The following APP variants were observed in gnomAD, a reference collection of about 807,000 sequenced individuals.
The protein encoded by APP is amyloid-beta precursor protein.
Under a neutral mutation model 101.4 loss-of-function variants are expected in APP, and 31 were observed. The ratio of observed to expected loss-of-function variants is 0.31; its 90% CI spans 0.23 to 0.41. The LOEUF is 0.41. Ranked by LOEUF, APP falls within the 10% of genes least tolerant of loss-of-function variation. APP has a pLI of 1.00. For missense variants in APP, 839 were observed against 1,003.7 expected, an observed-to-expected ratio of 0.84 and a Z score of 2.22; for synonymous variants, 366 against 364.4, an observed-to-expected ratio of 1.00 and a Z score of -0.05.
At chr21:25,886,183 TAAAAG>T (rs2037313481) in intron 17 of APP, among the ~76,000 whole-genome samples, 2 of 151,364 alleles carry the variant, frequency 1.3e-5, no homozygotes, top group African/African-American at 4.8e-5. Context: ...AAAAAAAAAA[TAAAAG>T]CAAAGAAAAT....
At chr21:25,928,161 G>A (rs2039981656) in intron 13 of APP, among the ~76,000 whole-genome samples, 1 of 151,076 alleles carries the variant, frequency 6.6e-6, no homozygotes, top group African/African-American at 2.4e-5. Context: ...TGGCTAACGA[G>A]GTGAAATCGC....
intron 3 of APP, among the ~76,000 whole-genome samples, chr21:26,054,391 T>G (rs551500046): frequency 1.3e-5 from 2 of 152,182 alleles, no homozygotes; most frequent in East Asian, 3.9e-4. Context: ...TCCAAATGGA[T>G]GGATGGATGG....
At chr21:26,101,095 C>CTTTTTTTTTT (rs35407047) in intron 2 of APP, among the ~76,000 whole-genome samples, 1 of 79,316 alleles carries the variant, frequency 1.3e-5, no homozygotes, top group African/African-American at 5.0e-5. Context: ...TTTTTTTTTC[C>CTTTTTTTTTT]TTTTTTTTTT....
chr21:25,882,015 C>T (rs2037020704), intron 17 of APP, among the ~76,000 whole-genome samples: 1 of 152,014 alleles, frequency 6.6e-6, no homozygotes, highest in South Asian at 2.1e-4. Context: ...GCAACGTGTC[C>T]AGTGGTTGTT....
chr21:25,899,362 C>T (rs984204374), intron 15 of APP, among the ~76,000 whole-genome samples: 2 of 152,168 alleles, frequency 1.3e-5, no homozygotes, highest in African/African-American at 4.8e-5. Flanking sequence ...ACTTGATTCC[C>T]TTCCTTCGAA....
intron 8 of APP, among the ~76,000 whole-genome samples, chr21:25,991,127 C>T (rs948012144): frequency 6.6e-6 from 1 of 152,080 alleles, no homozygotes; most frequent in African/African-American, 2.4e-5. Context: ...TATGCAAAGG[C>T]ATAGAGTGGC....
chr21:25,987,673 GC>G, intron 8 of APP, among the ~76,000 whole-genome samples: 1 of 152,262 alleles, frequency 6.6e-6, no homozygotes, highest in Non-Finnish European at 1.5e-5. Context: ...GATGACTAAC[GC>G]CTTCTACATA....
intron 3 of APP, among the ~76,000 whole-genome samples, chr21:26,071,934 C>T (rs768300874): frequency 1.3e-5 from 2 of 152,234 alleles, no homozygotes; most frequent in Non-Finnish European, 2.9e-5. Context: ...CCTCCCCACT[C>T]ACGCTATTAC....
Position 25,891,730 on chromosome 21 carries a change from C to T in APP, c.2203G>A (p.Val735Met), listed in dbSNP as rs1281129992. Residue 735 changes from valine to methionine, a missense_variant, in exon 17 of 18, where the codon GTG becomes ATG. Physicochemically the swap from Val to Met is conservative, Grantham distance 21. Coordinates refer to ENST00000346798, the MANE Select transcript of APP (RefSeq NM_000484.4). Reference sequence around the variant, plus strand: ...CAGTCAAGTTTACCTACCTCCACCACACCATGATGAATGGATGTGTACTGT... The same window carrying T: ...CAGTCAAGTTTACCTACCTCCACCATACCATGATGAATGGATGTGTACTGT... ...KKQYTSIHHG[V>M]VEVDAAVTPE... 6.2e-7 allele frequency: 1 copy of T among 1,614,182 alleles called. No homozygotes were observed. The highest frequency in any genetic ancestry group is 8.5e-7 in the Non-Finnish European group (1 of 1,180,010).
intron 2 of APP, among the ~76,000 whole-genome samples, chr21:26,091,628 A>T (rs2061827934): frequency 6.6e-6 from 1 of 152,094 alleles, no homozygotes; most frequent in Non-Finnish European, 1.5e-5. Flanking sequence ...TGAATGGTGA[A>T]CATCGATGAG....
chr21:26,168,250 ATTCAT>A (rs2063660485), intron 1 of APP, among the ~76,000 whole-genome samples: 2 of 152,206 alleles, frequency 1.3e-5, no homozygotes, highest in African/African-American at 4.8e-5. Flanking sequence ...CATTGCCCTT[ATTCAT>A]TTCTTTTCTA....
At chr21:25,945,882 A>C in intron 13 of APP, 1 of 455,584 alleles carries the variant, frequency 2.2e-6, no homozygotes, top group Non-Finnish European at 4.4e-6. Context: ...TGGTCTTGCC[A>C]TGTTTCCCAT....
intron 11 of APP, among the ~76,000 whole-genome samples, chr21:25,965,442 A>G (rs2041757963): frequency 6.6e-6 from 1 of 152,236 alleles, no homozygotes; most frequent in Non-Finnish European, 1.5e-5. Flanking sequence ...CTAACTGGTT[A>G]GCCTATTCAA....
chr21:26,123,851 T>C (rs1039022303), intron 1 of APP, among the ~76,000 whole-genome samples: 1 of 152,106 alleles, frequency 6.6e-6, no homozygotes, highest in East Asian at 1.9e-4. Context: ...ATGGTAAAAA[T>C]ATGCAGACGC....
intron 8 of APP, among the ~76,000 whole-genome samples, chr21:25,990,785 T>G (rs994190476): frequency 2.6e-4 from 2 of 7,646 alleles, no homozygotes; most frequent in Non-Finnish European, 4.6e-4. Flanking sequence ...CTCAACTCAT[T>G]AATAAAATTA....
intron 13 of APP, among the ~76,000 whole-genome samples, chr21:25,953,558 G>A (rs1191074986): frequency 6.6e-6 from 1 of 152,186 alleles, no homozygotes; most frequent in Non-Finnish European, 1.5e-5. Flanking sequence ...ACAAAGGGTA[G>A]GATTCTTTAT....
intron 5 of APP, among the ~76,000 whole-genome samples, chr21:26,048,299 G>C (rs1392318975): frequency 6.6e-6 from 1 of 152,054 alleles, no homozygotes; most frequent in East Asian, 1.9e-4. Context: ...CTCCAGCCTG[G>C]GTGACAGAGC....
At chr21:25,977,684 T>C (rs369813388) in intron 9 of APP, among the ~76,000 whole-genome samples, 10 of 152,348 alleles carry the variant, frequency 6.6e-5, no homozygotes, top group African/African-American at 9.6e-5. Flanking sequence ...AATAAATATT[T>C]CATTACACTT....
chr21:25,977,108 G>A (rs903658985), intron 9 of APP, among the ~76,000 whole-genome samples: 2 of 152,226 alleles, frequency 1.3e-5, no homozygotes, highest in African/African-American at 4.8e-5. Context: ...TCAGGTGAAT[G>A]TGTTTTGTAG....
Sources: allele counts gnomAD v4.1 joint callset (sites outside exome capture counted in the v4.1 genomes callset), GRCh38; gene constraint gnomAD v4.1.1; transcripts MANE v1.5; gene names NCBI Gene and HGNC (gene_info 2026-07-23, HGNC 2026-07-21).